Variants in WWOX observed in about 807,000 individuals in gnomAD.
The protein encoded by WWOX is WW domain containing oxidoreductase.
WWOX carries 69 observed loss-of-function variants against 46.2 expected under a neutral mutation model. The observed-to-expected ratio is 1.49, with a 90% CI of 1.23 to 1.82. The LOEUF (loss-of-function observed/expected upper bound fraction) is 1.82. Ranked by LOEUF, WWOX falls within the 40% of genes most tolerant of loss-of-function variation. The pLI, the probability that WWOX is intolerant of heterozygous loss-of-function variation, is 0.00. For synonymous variants in WWOX, 359 were observed against 202.6 expected, an observed-to-expected ratio of 1.77 and a Z score of -6.56; for missense variants, 919 against 542.6, an observed-to-expected ratio of 1.69 and a Z score of -6.89.
chr16:78,778,932 G>A (rs1025501706), intron 8 of WWOX, among the ~76,000 whole-genome samples: 7 of 152,042 alleles, frequency 4.6e-5, no homozygotes, highest in African/African-American at 1.4e-4. Context: ...GTCGCCCCTT[G>A]TTCACCCCTT....
intron 8 of WWOX, among the ~76,000 whole-genome samples, chr16:78,997,043 C>T (rs1458869850): frequency 6.6e-6 from 1 of 152,180 alleles, no homozygotes; most frequent in Non-Finnish European, 1.5e-5. Context: ...GTTGATAGTG[C>T]TGCCACAGAG....
At chr16:79,084,026 G>C (rs2048809951) in intron 8 of WWOX, among the ~76,000 whole-genome samples, 1 of 152,178 alleles carries the variant, frequency 6.6e-6, no homozygotes, top group African/African-American at 2.4e-5. Flanking sequence ...ACTCGCATCA[G>C]TTTTAAGTCT....
chr16:78,964,921 C>A (rs188964076), intron 8 of WWOX, among the ~76,000 whole-genome samples: 17 of 152,204 alleles, frequency 1.1e-4, no homozygotes, highest in African/African-American at 4.1e-4. Flanking sequence ...AAGCCCCAAG[C>A]CTTGGCAGCC....
chr16:78,828,510 T>G (rs968365107), intron 8 of WWOX, among the ~76,000 whole-genome samples: 1 of 151,968 alleles, frequency 6.6e-6, no homozygotes, highest in African/African-American at 2.4e-5. Flanking sequence ...TGGGCATTTT[T>G]AAATTATCAT....
At chr16:78,796,226 T>C (rs1316683978) in intron 8 of WWOX, among the ~76,000 whole-genome samples, 1 of 152,222 alleles carries the variant, frequency 6.6e-6, no homozygotes, top group Non-Finnish European at 1.5e-5. Flanking sequence ...ACAATTAGTA[T>C]AGACATTCAG....
intron 5 of WWOX, among the ~76,000 whole-genome samples, chr16:78,191,633 C>G (rs766162621): frequency 6.6e-6 from 1 of 151,850 alleles, no homozygotes; most frequent in African/African-American, 2.4e-5. Flanking sequence ...TTTTATAGCT[C>G]CAGTTTGGTG....
intron 8 of WWOX, among the ~76,000 whole-genome samples, chr16:78,904,729 G>C (rs534878917): frequency 1.3e-5 from 2 of 152,122 alleles, no homozygotes; most frequent in Non-Finnish European, 2.9e-5. Context: ...AAGATATCTG[G>C]TCACCCTATC....
At chr16:78,261,430 A>ATAAATAAG (rs1369892949) in intron 5 of WWOX, among the ~76,000 whole-genome samples, 1 of 150,574 alleles carries the variant, frequency 6.6e-6, no homozygotes, top group African/African-American at 2.5e-5. Context: ...AAATAAATAA[A>ATAAATAAG]TAAATATTTT....
intron 8 of WWOX, among the ~76,000 whole-genome samples, chr16:78,854,528 A>G (rs913134752): frequency 6.6e-6 from 1 of 152,228 alleles, no homozygotes; most frequent in African/African-American, 2.4e-5. Flanking sequence ...CCCCTGGAAC[A>G]TAAAAATTCC....
At chr16:78,368,283 G>C (rs750183603) in intron 5 of WWOX, among the ~76,000 whole-genome samples, 25 of 152,274 alleles carry the variant, frequency 1.6e-4, no homozygotes, top group Non-Finnish European at 2.5e-4. Flanking sequence ...GAAAGTTGTA[G>C]GTCCTATATG....
At chr16:78,827,603 T>A (rs950664802) in intron 8 of WWOX, among the ~76,000 whole-genome samples, 2 of 150,958 alleles carry the variant, frequency 1.3e-5, no homozygotes, top group African/African-American at 4.9e-5. Context: ...GAGGCCAAGG[T>A]GGGTGGGTCA....
intron 8 of WWOX, among the ~76,000 whole-genome samples, chr16:78,527,221 C>T (rs2043493527): frequency 6.6e-6 from 1 of 151,818 alleles, no homozygotes. Context: ...CTAAGGACGA[C>T]TTTGAATCAA....
chr16:78,936,764 T>TA (rs75330316), intron 8 of WWOX, among the ~76,000 whole-genome samples: 7,271 of 151,230 alleles, frequency 0.048, 530 homozygotes, highest in East Asian at 0.25. Flanking sequence ...ATGAGTTAAG[T>TA]AAAAAAAAAG....
At chr16:79,031,315 G>A (rs1371037766) in intron 8 of WWOX, among the ~76,000 whole-genome samples, 1 of 152,084 alleles carries the variant, frequency 6.6e-6, no homozygotes, top group Non-Finnish European at 1.5e-5. Context: ...GTTTGGTACT[G>A]ATCACTGTCC....
At chr16:78,965,813 T>G (rs891268134) in intron 8 of WWOX, among the ~76,000 whole-genome samples, 1 of 152,204 alleles carries the variant, frequency 6.6e-6, no homozygotes, top group East Asian at 1.9e-4. Context: ...TAGAGGCTTA[T>G]TGATTATTTG....
rs562146103 is a variant in WWOX at position 79,151,543 on chromosome 16, C to G, written c.1057-60065C>G. ...GTTCAGGTTGAAGACAAACAGGGCTCCAATTATGTTGTGATTTAGAAGGCG... is the reference window on the plus strand; with the variant it reads ...GTTCAGGTTGAAGACAAACAGGGCTGCAATTATGTTGTGATTTAGAAGGCG... On this transcript the variant is annotated intron_variant, in intron 8 of 8. Transcript: ENST00000566780. 4.9e-4 allele frequency among the ~76,000 whole-genome samples: 74 copies of G among 152,290 alleles called. 1 individual carries two copies. The highest frequency in any genetic ancestry group is 3.4e-3 in the Middle Eastern group (1 of 294).
intron 5 of WWOX, among the ~76,000 whole-genome samples, chr16:78,320,383 T>G (rs924994762): frequency 1.4e-4 from 21 of 152,210 alleles, no homozygotes; most frequent in African/African-American, 4.3e-4. Context: ...TAGACTTCTG[T>G]GAACTCCAAG....
intron 5 of WWOX, among the ~76,000 whole-genome samples, chr16:78,189,630 CCTT>C (rs1373025193): frequency 1.3e-5 from 2 of 152,016 alleles, no homozygotes; most frequent in African/African-American, 2.4e-5. Context: ...CTAAACAAAT[CCTT>C]CTTTTTTATT....
intron 5 of WWOX, among the ~76,000 whole-genome samples, chr16:78,384,679 G>T (rs1002440406): frequency 1.3e-5 from 2 of 152,084 alleles, no homozygotes; most frequent in Non-Finnish European, 2.9e-5. Flanking sequence ...CCTAGATCAG[G>T]TTCATGTTTC....
Sources: allele counts gnomAD v4.1 joint callset (sites outside exome capture counted in the v4.1 genomes callset), GRCh38; gene constraint gnomAD v4.1.1; transcripts MANE v1.5; gene names NCBI Gene and HGNC (gene_info 2026-07-23, HGNC 2026-07-21).